The following KDM4B variants were observed in gnomAD, a reference collection of about 807,000 sequenced individuals.
KDM4B encodes lysine-specific demethylase 4B.
KDM4B carries 32 observed loss-of-function variants against 125.2 expected under a neutral mutation model. The ratio of observed to expected loss-of-function variants is 0.26; its 90% CI spans 0.19 to 0.34. The LOEUF (loss-of-function observed/expected upper bound fraction) is 0.34, where lower values mean the gene tolerates loss of function less well. Among genes scored for constraint, KDM4B ranks in the 10% least tolerant of loss-of-function variants. KDM4B has a pLI of 1.00. For synonymous variants in KDM4B, 721 were observed against 677.9 expected (o/e 1.06, Z -0.99); for missense variants, 1,190 against 1,577.7 (o/e 0.75, Z 4.16).
rs530107522 is a variant in KDM4B, at chr19:5,119,813, C to T, written c.1276C>T (p.Gln426Ter). ...VDPEEEEEEP[Q>*]PLPHGREAEG... ...CCCCGAGGAGGAGGAGGAGGAGCCG[C>T]AGCCACTGCCACACGGCCGGGAGGC... Residue 426 changes from glutamine to a stop codon, truncating the protein, a stop_gained, in exon 11 of 23, where the codon CAG becomes TAG. Coordinates refer to ENST00000159111, the MANE Select transcript of KDM4B (RefSeq NM_015015.3). LOFTEE classifies it high-confidence loss of function. 1 of 1,543,716 alleles carries T rather than the reference C, an allele frequency of 6.5e-7. No individual in the cohort carries two copies. The highest frequency in any genetic ancestry group is 2.0e-5 in the Admixed American group (1 of 50,108).
chr19:4,996,033 C>G (rs2035189891), intron 1 of KDM4B, among the ~76,000 whole-genome samples: 2 of 152,344 alleles, frequency 1.3e-5, no homozygotes, highest in Admixed American at 1.3e-4. Flanking sequence ...CTCTGTCGCC[C>G]AGGCTGGCCT....
intron 5 of KDM4B, among the ~76,000 whole-genome samples, chr19:5,044,890 A>G (rs1271732004): frequency 1.3e-5 from 2 of 152,092 alleles, no homozygotes; most frequent in East Asian, 3.9e-4. Context: ...ACCAAGCAAT[A>G]GGTGTTCAAG....
intron 5 of KDM4B, among the ~76,000 whole-genome samples, chr19:5,043,108 G>A (rs1239489695): frequency 4.0e-5 from 6 of 151,460 alleles, no homozygotes; most frequent in Admixed American, 6.6e-5. Context: ...CCCTTATCCC[G>A]CACGGCGTTT....
intron 13 of KDM4B, 52 bp from the exon 14 acceptor site, chr19:5,133,831 G>A (rs570662143): frequency 6.3e-6 from 10 of 1,588,630 alleles, no homozygotes; most frequent in East Asian, 2.3e-5. Context: ...TTCCTTGGAC[G>A]AGTTTTTAGG....
intron 9 of KDM4B, among the ~76,000 whole-genome samples, chr19:5,088,058 C>T (rs1322367300): frequency 6.6e-6 from 1 of 152,210 alleles, no homozygotes; most frequent in Non-Finnish European, 1.5e-5. Flanking sequence ...GCTCTTCACG[C>T]CCACCTGTGG....
chr19:5,001,920 C>T (rs2035399110), intron 1 of KDM4B, among the ~76,000 whole-genome samples: 1 of 151,836 alleles, frequency 6.6e-6, no homozygotes, highest in Admixed American at 6.6e-5. Context: ...GGATATTTGA[C>T]TCTTTCCTCC....
At chr19:5,058,509 A>G (rs992549766) in intron 6 of KDM4B, among the ~76,000 whole-genome samples, 1 of 151,924 alleles carries the variant, frequency 6.6e-6, no homozygotes, top group Non-Finnish European at 1.5e-5. Flanking sequence ...GGGAGCTACT[A>G]CTCTTGGCCA....
At chr19:4,995,890 C>T (rs973887797) in intron 1 of KDM4B, among the ~76,000 whole-genome samples, 28 of 152,158 alleles carry the variant, frequency 1.8e-4, no homozygotes, top group Admixed American at 3.9e-4. Context: ...CGGTGTCACG[C>T]GTAGATCTTT....
chr19:4,992,024 C>T (rs1040356318), intron 1 of KDM4B, among the ~76,000 whole-genome samples: 5 of 152,054 alleles, frequency 3.3e-5, no homozygotes, highest in South Asian at 2.1e-4. Context: ...CTTTCATTCC[C>T]GATTTTAGCA....
intron 21 of KDM4B, among the ~76,000 whole-genome samples, chr19:5,145,265 T>G (rs1476112818): frequency 6.6e-6 from 1 of 151,612 alleles, no homozygotes; most frequent in Non-Finnish European, 1.5e-5. Flanking sequence ...CTCATGACTG[T>G]GGAAGAGGAA....
chr19:5,131,791 C>T (rs920616192), intron 12 of KDM4B, 96 bp from the exon 13 acceptor site: 6 of 1,510,644 alleles, frequency 4.0e-6, no homozygotes, highest in Non-Finnish European at 5.5e-6. Flanking sequence ...AGAGGAGACT[C>T]AGGCCTCAGG....
intron 18 of KDM4B, among the ~76,000 whole-genome samples, chr19:5,139,990 A>G (rs1450776059): frequency 6.6e-6 from 1 of 152,158 alleles, no homozygotes; most frequent in Non-Finnish European, 1.5e-5. Flanking sequence ...CTGGCTGTGC[A>G]CTTGGGACAG....
At chr19:5,124,422 T>C (rs2039415538) in intron 11 of KDM4B, among the ~76,000 whole-genome samples, 1 of 152,094 alleles carries the variant, frequency 6.6e-6, no homozygotes, top group African/African-American at 2.4e-5. Context: ...GAGTCTGTCC[T>C]GGGTTCTCAG....
At chr19:5,057,065 T>TGTGTGC (rs55806859) in intron 6 of KDM4B, among the ~76,000 whole-genome samples, 4,649 of 128,156 alleles carry the variant, frequency 0.036, 97 homozygotes, top group Middle Eastern at 0.089. Flanking sequence ...TGTGTGTGTG[T>TGTGTGC]GCGCGCGCGC....
At chr19:5,049,189 CT>C (rs908129622) in intron 6 of KDM4B, among the ~76,000 whole-genome samples, 2 of 152,110 alleles carry the variant, frequency 1.3e-5, no homozygotes, top group Non-Finnish European at 2.9e-5. Flanking sequence ...GTCGGAGGGA[CT>C]GACAGGGATG....
At chr19:5,013,791 G>A (rs1339938487) in intron 1 of KDM4B, among the ~76,000 whole-genome samples, 1 of 152,260 alleles carries the variant, frequency 6.6e-6, no homozygotes, top group African/African-American at 2.4e-5. Context: ...AATAGTCCCA[G>A]GGTCTGGGGG....
chr19:5,093,289 A>G (rs2038748652), intron 9 of KDM4B, among the ~76,000 whole-genome samples: 1 of 152,200 alleles, frequency 6.6e-6, no homozygotes, highest in South Asian at 2.1e-4. Flanking sequence ...CAAAGGGGAC[A>G]TCGGAGCCTC....
chr19:5,042,500 GAAAA>G (rs536876348), intron 5 of KDM4B, among the ~76,000 whole-genome samples: 14 of 102,266 alleles, frequency 1.4e-4, no homozygotes, highest in African/African-American at 4.3e-4. Context: ...TACGTCACAA[GAAAA>G]AAAAAAAAAA....
In KDM4B at chr19:5,131,887, G is replaced by T; in HGVS notation, c.1786G>T (p.Ala596Ser). ...ETKARAGEGQ[A>S]PSTFSKLKME... Reference sequence around the variant, plus strand: ...CACTACAGCCTGTTGTGTGTTTCAGGCACCGTCCACATTTTCCAAATTGAA... The same window carrying T: ...CACTACAGCCTGTTGTGTGTTTCAGTCACCGTCCACATTTTCCAAATTGAA... The change falls in exon 13 of 23, where the codon GCA becomes TCA. Residue 596 changes from alanine to serine, a missense_variant and splice_region_variant. Coordinates refer to ENST00000159111, the MANE Select transcript of KDM4B (RefSeq NM_015015.3). 6.2e-7 allele frequency: 1 copy of T among 1,612,778 alleles called. No homozygotes were observed. The highest frequency in any genetic ancestry group is 8.5e-7 in the Non-Finnish European group (1 of 1,179,856).
Sources: allele counts gnomAD v4.1 joint callset (sites outside exome capture counted in the v4.1 genomes callset), GRCh38; gene constraint gnomAD v4.1.1; transcripts MANE v1.5; gene names NCBI Gene and HGNC (gene_info 2026-07-23, HGNC 2026-07-21).